LRIG3: variants seen among roughly 807,000 people sequenced by gnomAD.
LRIG3 encodes leucine-rich repeats and immunoglobulin-like domains protein 3.
Under a neutral mutation model 114.5 loss-of-function variants are expected in LRIG3, and 76 were observed. The observed-to-expected ratio is 0.66, with a 90% CI of 0.55 to 0.80. The LOEUF (loss-of-function observed/expected upper bound fraction) is 0.80, where lower values mean the gene tolerates loss of function less well. LRIG3 is among the 30% of genes least tolerant of loss of function. The pLI is 0.00. For missense variants in LRIG3, 1,239 were observed against 1,382.8 expected (o/e 0.90, Z 1.65); for synonymous variants, 512 against 519.8 (o/e 0.98, Z 0.20).
At chr12:58,904,603 G>A (rs551853967) in intron 3 of LRIG3, among the ~76,000 whole-genome samples, 6 of 152,282 alleles carry the variant, frequency 3.9e-5, no homozygotes, top group Admixed American at 2.0e-4. Context: ...AAACACCACA[G>A]AAAGGTTGCC....
intron 18 of LRIG3, chr12:58,873,813 C>CCA (rs1870815529): frequency 1.8e-6 from 1 of 555,418 alleles, no homozygotes; most frequent in African/African-American, 1.9e-5. Flanking sequence ...GGAGTAGATG[C>CCA]CACACACAGT....
chr12:58,890,217 G>C, intron 4 of LRIG3, 78 bp from the exon 5 acceptor site: 1 of 1,464,286 alleles, frequency 6.8e-7, no homozygotes, highest in Non-Finnish European at 9.3e-7. Flanking sequence ...GTATTAGAAG[G>C]AGTCTCCAGA....
In LRIG3 at chr12:58,874,263, C is replaced by T; in HGVS notation, c.2907G>A (p.Glu969=). ...HYEPSYIKKK[E]CYPCSHPSEE... is the part of the protein sequence containing the mutation. ...CTGAAGGATGAGAACATGGGTAGCACTCCTTTTTCTTTATGTAACTGGGCT... is the reference window on the plus strand; with the variant it reads ...CTGAAGGATGAGAACATGGGTAGCATTCCTTTTTCTTTATGTAACTGGGCT... Residue 969 remains glutamate, a synonymous_variant, in exon 18 of 19, where the codon GAG becomes GAA. Coordinates refer to ENST00000320743, the MANE Select transcript of LRIG3 (RefSeq NM_153377.5). The T allele has an allele frequency of 6.2e-7, 1 of 1,614,108 alleles. No individual in the cohort carries two copies. Among genetic ancestry groups the T allele is most frequent in the Non-Finnish European group, 8.5e-7 (1 of 1,180,012 alleles).
chr12:58,913,966 G>T lies in LRIG3; in HGVS notation c.383+16C>A. ...CCTGCAAACATACATGAGGAATTCTGCTGATATTCACTTACAAGGAGAGAA... is the reference window on the plus strand; with the variant it reads ...CCTGCAAACATACATGAGGAATTCTTCTGATATTCACTTACAAGGAGAGAA... On this transcript the variant is annotated intron_variant, in intron 3 of 18. Coordinates refer to ENST00000320743, the MANE Select transcript of LRIG3 (RefSeq NM_153377.5). 1 of 1,604,272 alleles carries T rather than the reference G, an allele frequency of 6.2e-7. No homozygotes were observed. Among genetic ancestry groups the T allele is most frequent in the Non-Finnish European group, 8.5e-7 (1 of 1,174,498 alleles).
chr12:58,877,576 G>A lies in LRIG3; in HGVS notation c.2360C>T (p.Thr787Ile). 1.9e-6 allele frequency: 3 copies of A among 1,614,230 alleles called. No homozygotes were observed. The highest frequency in any genetic ancestry group is 1.6e-4 in the Middle Eastern group (1 of 6,062). Residue 787 changes from threonine to isoleucine, a missense_variant, in exon 15 of 19, where the codon ACT becomes ATT. Transcript: ENST00000320743. Reference sequence around the variant, plus strand: ...CATCTGAGGGGAGTCGCAGGTTGGAGTGGGGATCACACTGAGGCGCACGTT... The same window carrying A: ...CATCTGAGGGGAGTCGCAGGTTGGAATGGGGATCACACTGAGGCGCACGTT... ...RGNVRLSVIP[T>I]PTCDSPQMTA...
intron 3 of LRIG3, among the ~76,000 whole-genome samples, chr12:58,905,288 TG>T (rs1364430985): frequency 6.6e-6 from 1 of 152,370 alleles, no homozygotes; most frequent in South Asian, 2.1e-4. Flanking sequence ...CCTTGAATTC[TG>T]GGGGCCAGTT....
chr12:58,902,777 T>C (rs1871910666), intron 3 of LRIG3, among the ~76,000 whole-genome samples: 1 of 139,180 alleles, frequency 7.2e-6, no homozygotes, highest in Admixed American at 7.8e-5. Context: ...TGTCCATGTG[T>C]TCTCATTGTT....
intron 3 of LRIG3, among the ~76,000 whole-genome samples, chr12:58,912,027 T>C (rs1872296832): frequency 6.6e-6 from 1 of 152,196 alleles, no homozygotes; most frequent in Non-Finnish European, 1.5e-5. Flanking sequence ...CCAGAGGTAT[T>C]GTAACACATT....
intron 13 of LRIG3, chr12:58,880,310 A>T: frequency 1.8e-6 from 1 of 558,012 alleles, no homozygotes. Flanking sequence ...AAAAAAAAAA[A>T]AAAGAAAAAG....
At chr12:58,910,127 G>C (rs898884251) in intron 3 of LRIG3, among the ~76,000 whole-genome samples, 3 of 152,180 alleles carry the variant, frequency 2.0e-5, no homozygotes, top group Non-Finnish European at 4.4e-5. Flanking sequence ...GATGGACTAA[G>C]AAATGCTTTA....
intron 3 of LRIG3, among the ~76,000 whole-genome samples, chr12:58,903,040 T>C (rs1449526095): frequency 4.6e-5 from 7 of 152,176 alleles, no homozygotes; most frequent in Non-Finnish European, 1.0e-4. Context: ...TATGTGTGCA[T>C]GTGTCTTTAT....
intron 3 of LRIG3, among the ~76,000 whole-genome samples, chr12:58,895,884 G>C (rs111421620): frequency 0.014 from 2,168 of 152,258 alleles, 53 homozygotes; most frequent in African/African-American, 0.048. Flanking sequence ...CACACACTGT[G>C]CTTTTCTCCT....
intron 3 of LRIG3, among the ~76,000 whole-genome samples, chr12:58,907,850 T>C (rs919290134): frequency 3.3e-5 from 5 of 152,186 alleles, no homozygotes; most frequent in African/African-American, 1.2e-4. Context: ...TCTGTGTGTC[T>C]GAGACTGTAG....
intron 15 of LRIG3, 58 bp downstream of exon 15, chr12:58,877,342 T>C: frequency 1.9e-6 from 3 of 1,544,574 alleles, no homozygotes; most frequent in Non-Finnish European, 2.7e-6. Context: ...TAGAAGTATT[T>C]GCAGAACCAC....
At chr12:58,912,166 T>C (rs967100722) in intron 3 of LRIG3, among the ~76,000 whole-genome samples, 3 of 152,218 alleles carry the variant, frequency 2.0e-5, no homozygotes, top group African/African-American at 4.8e-5. Context: ...TGAGAGATCA[T>C]TGTAGCTTTC....
intron 3 of LRIG3, among the ~76,000 whole-genome samples, chr12:58,895,334 T>C (rs192570376): frequency 5.9e-5 from 9 of 151,994 alleles, no homozygotes; most frequent in East Asian, 5.8e-4. Flanking sequence ...TTCTAGAATG[T>C]TGGAGGTCAG....
intron 1 of LRIG3, among the ~76,000 whole-genome samples, chr12:58,918,476 T>G (rs139977973): frequency 2.0e-5 from 3 of 152,168 alleles, no homozygotes; most frequent in African/African-American, 7.2e-5. Flanking sequence ...AATAGACAAC[T>G]TGACATTGAA....
chr12:58,885,973 A>G (rs1871264978), intron 9 of LRIG3, 71 bp from the exon 10 acceptor site: 2 of 908,862 alleles, frequency 2.2e-6, no homozygotes, highest in Non-Finnish European at 3.3e-6. Context: ...CATAAACAGA[A>G]CTGCTTTTTA....
rs114236188 is a variant in LRIG3, at chr12:58,888,693, T to C, written c.803+126A>G. On this transcript the variant is annotated intron_variant, in intron 6 of 18. Transcript: ENST00000320743. ...CATTACCTGAATCAAAACTGAATACTGACTTATAAATAAGATTGTGGATGA... is the reference window on the plus strand; with the variant it reads ...CATTACCTGAATCAAAACTGAATACCGACTTATAAATAAGATTGTGGATGA... The C allele has an allele frequency of 1.6e-3, 2,164 of 1,378,886 alleles. 24 individuals are homozygous for C. The African/African-American group carries it at 0.028, about 18-fold the overall frequency. 85.4% of individuals were successfully genotyped at this position (1,378,886 alleles called of 1,614,324 possible).
Sources: gnomAD v4.1 joint callset for allele counts (sites outside exome capture counted in the v4.1 genomes callset) on GRCh38, gnomAD v4.1.1 for gene constraint, MANE v1.5 for transcripts, NCBI Gene and HGNC (gene_info 2026-07-23, HGNC 2026-07-21) for gene names.